The following SLC24A2 variants were observed in gnomAD, a reference collection of about 807,000 sequenced individuals.
SLC24A2 encodes the protein sodium/potassium/calcium exchanger 2.
A neutral mutation model predicts 62.0 loss-of-function variants in SLC24A2; 36 were observed. The ratio of observed to expected loss-of-function variants is 0.58; its 90% CI spans 0.44 to 0.77. The LOEUF (loss-of-function observed/expected upper bound fraction) is 0.77, where lower values mean the gene tolerates loss of function less well. Among genes scored for constraint, SLC24A2 ranks in the 30% least tolerant of loss-of-function variants. The pLI is 0.00. For missense variants in SLC24A2, 846 were observed against 817.9 expected (o/e 1.03, Z -0.42); for synonymous variants, 358 against 294.0 (o/e 1.22, Z -2.23).
chr9:19,786,586 A>C lies in SLC24A2; in HGVS notation c.281T>G (p.Ile94Ser). Residue 94 changes from isoleucine (I) to serine (S), a missense_variant, in exon 2 of 11, where the codon ATT (isoleucine) becomes AGT (serine). Transcript: ENST00000341998. This position sits in a 1 kb window ranked among gnomAD's most constrained non-coding sequence, Gnocchi z 5.0. ...QRTLLDLNDKILDYTPQPPLS... is the reference protein window; with the variant it reads ...QRTLLDLNDKSLDYTPQPPLS... ...AGGTGGCTGTGGAGTATAATCCAGA[A>C]TCTTGTCATTTAAATCTAAGAGAGT... 1 of 1,614,128 alleles carries C rather than the reference A, an allele frequency of 6.2e-7. No homozygotes were observed. The highest frequency in any genetic ancestry group is 8.5e-7 in the Non-Finnish European group (1 of 1,180,016).
At chr9:19,564,840 T>C (rs1329794681) in intron 7 of SLC24A2, among the ~76,000 whole-genome samples, 1 of 152,184 alleles carries the variant, frequency 6.6e-6, no homozygotes, top group Non-Finnish European at 1.5e-5. Context: ...ATTTAAATGG[T>C]TTTGATGTGT....
At chr9:19,670,287 T>C (rs1819378288) in intron 2 of SLC24A2, among the ~76,000 whole-genome samples, 9 of 152,178 alleles carry the variant, frequency 5.9e-5, no homozygotes, top group Admixed American at 5.9e-4. Context: ...ATTAAGTTTT[T>C]TGACATCCTA....
At chr9:20,264,664 G>A in the SLC24A2 span, among the ~76,000 whole-genome samples, 1 of 152,154 alleles carries the variant, frequency 6.6e-6, no homozygotes, top group Non-Finnish European at 1.5e-5. Context: ...AAATTATATA[G>A]TGTCCTTGTG....
the SLC24A2 span, among the ~76,000 whole-genome samples, chr9:19,986,846 T>C: frequency 2.0e-5 from 3 of 152,096 alleles, no homozygotes; most frequent in Admixed American, 1.3e-4. Context: ...TAATAATGTG[T>C]TGGAATTAGA....
At chr9:19,584,677 G>A (rs1836314928) in intron 5 of SLC24A2, among the ~76,000 whole-genome samples, 1 of 151,756 alleles carries the variant, frequency 6.6e-6, no homozygotes, top group South Asian at 2.1e-4. Flanking sequence ...CATTGTGCAG[G>A]TTAGTTACAT....
At chr9:19,612,943 G>A (rs1837218555) in intron 4 of SLC24A2, among the ~76,000 whole-genome samples, 1 of 152,198 alleles carries the variant, frequency 6.6e-6, no homozygotes, top group South Asian at 2.1e-4. Flanking sequence ...CAGATGGAGA[G>A]AATGGCTTTG....
intron 7 of SLC24A2, among the ~76,000 whole-genome samples, chr9:19,552,305 C>A (rs556870646): frequency 6.6e-6 from 1 of 152,150 alleles, no homozygotes; most frequent in Non-Finnish European, 1.5e-5. Flanking sequence ...AAGGTGTCAG[C>A]TAGCTACGTG....
chr9:20,235,101 G>T, the SLC24A2 span, among the ~76,000 whole-genome samples: 1 of 152,218 alleles, frequency 6.6e-6, no homozygotes, highest in Non-Finnish European at 1.5e-5. Flanking sequence ...TGTCTCAGAG[G>T]AGTACCTGGC....
chr9:19,565,239 C>T (rs1278737471), intron 7 of SLC24A2, among the ~76,000 whole-genome samples: 1 of 151,810 alleles, frequency 6.6e-6, no homozygotes, highest in Non-Finnish European at 1.5e-5. Context: ...CCAAAATCTC[C>T]TTAAGCTGAT....
the SLC24A2 span, among the ~76,000 whole-genome samples, chr9:20,272,385 T>G: frequency 6.6e-6 from 1 of 152,280 alleles, no homozygotes; most frequent in Non-Finnish European, 1.5e-5. Context: ...AATGTGGCAG[T>G]TCATCCTGAC....
chr9:20,045,598 A>AT, the SLC24A2 span, among the ~76,000 whole-genome samples: 2 of 151,854 alleles, frequency 1.3e-5, no homozygotes, highest in African/African-American at 4.8e-5. Context: ...CGCCAGGCTA[A>AT]TTTTTTGTGT....
At chr9:19,840,698 C>T in the SLC24A2 span, among the ~76,000 whole-genome samples, 310 of 152,104 alleles carry the variant, frequency 2.0e-3, no homozygotes, top group African/African-American at 7.2e-3. Context: ...TTTTGACAAG[C>T]GCATATTTCT....
chr9:20,294,792 G>A, the SLC24A2 span, among the ~76,000 whole-genome samples: 1 of 152,060 alleles, frequency 6.6e-6, no homozygotes, highest in South Asian at 2.1e-4. Context: ...AGTGCACGTT[G>A]GTGACAGAAG....
At chr9:20,292,121 G>T in the SLC24A2 span, among the ~76,000 whole-genome samples, 1 of 152,166 alleles carries the variant, frequency 6.6e-6, no homozygotes, top group African/African-American at 2.4e-5. Context: ...ACACAGCAGA[G>T]GGTACTGACA....
At chr9:19,761,927 T>G (rs1388445451) in intron 2 of SLC24A2, among the ~76,000 whole-genome samples, 2 of 152,214 alleles carry the variant, frequency 1.3e-5, no homozygotes, top group Non-Finnish European at 2.9e-5. Context: ...TCGTGAATAG[T>G]GCCGCAATAA....
chr9:20,062,460 T>C, the SLC24A2 span, among the ~76,000 whole-genome samples: 14 of 113,224 alleles, frequency 1.2e-4, no homozygotes, highest in Non-Finnish European at 2.0e-4. Context: ...GAAACTGGAT[T>C]CCTTCCTTAC....
chr9:20,168,551 AG>A, the SLC24A2 span, among the ~76,000 whole-genome samples: 1 of 152,044 alleles, frequency 6.6e-6, no homozygotes, highest in Admixed American at 6.6e-5. Context: ...GGACTTGAAA[AG>A]ATATTTTTCA....
chr9:20,228,643 T>C, the SLC24A2 span, among the ~76,000 whole-genome samples: 4 of 152,034 alleles, frequency 2.6e-5, no homozygotes, highest in Admixed American at 6.6e-5. Flanking sequence ...GAACGCCCCA[T>C]TGTCTCTGAT....
At chr9:20,144,116 G>A in the SLC24A2 span, among the ~76,000 whole-genome samples, 16 of 152,192 alleles carry the variant, frequency 1.1e-4, no homozygotes, top group Non-Finnish European at 1.9e-4. Context: ...GATAAGGACA[G>A]AAATAAAAGA....
Sources: allele counts gnomAD v4.1 joint callset (sites outside exome capture counted in the v4.1 genomes callset), GRCh38; gene constraint gnomAD v4.1.1; non-coding constraint Gnocchi (gnomAD v3.1); transcripts MANE v1.5; gene names NCBI Gene and HGNC (gene_info 2026-07-23, HGNC 2026-07-21).